The following TBCE variants were observed in gnomAD, a reference collection of about 807,000 sequenced individuals.
TBCE encodes the protein tubulin-specific chaperone E.
Under a neutral mutation model 77.0 loss-of-function variants are expected in TBCE, and 53 were observed. The observed-to-expected ratio is 0.69, with a 90% confidence interval of 0.55 to 0.87. The LOEUF is 0.87. Among genes scored for constraint, TBCE ranks in the 40% least tolerant of loss-of-function variants. TBCE has a pLI of 0.00. For synonymous variants in TBCE, 235 were observed against 241.3 expected, an observed-to-expected ratio of 0.97 and a Z score of 0.24; for missense variants, 624 against 622.4, an observed-to-expected ratio of 1.00 and a Z score of -0.03.
chr1:235,430,468 C>G (rs1359987102), intron 6 of TBCE: 3 of 402,872 alleles, frequency 7.4e-6, no homozygotes, highest in Admixed American at 3.8e-5. Context: ...TGCCCTAATC[C>G]TGTGAAAGCA....
chr1:235,436,180 G>C lies in TBCE; in HGVS notation c.834-206G>C, dbSNP rs186381736. The C allele has an allele frequency of 3.7e-5, 23 of 615,750 alleles. No individual in the cohort carries two copies. In the East Asian group the frequency reaches 6.3e-4, roughly 17 times the overall value. 38.1% of individuals were successfully genotyped at this position (615,750 alleles called of 1,614,324 possible). On this transcript the variant is annotated intron_variant, in intron 9 of 16. Transcript: ENST00000642610. ...ACCTGACATAGCAGTAGGTACTCAA[G>C]AACCATTAGGTGACTATGGAGTCAT...
chr1:235,390,692 C>T (rs997848358), intron 2 of TBCE, among the ~76,000 whole-genome samples: 15 of 146,200 alleles, frequency 1.0e-4, no homozygotes, highest in Admixed American at 6.4e-4. Context: ...ACCTGGGAGA[C>T]GGAGGTTGCA....
At chr1:235,427,106 T>C (rs746432893) in intron 5 of TBCE, 34 bp from the exon 6 acceptor site, 2 of 1,448,044 alleles carry the variant, frequency 1.4e-6, no homozygotes, top group Non-Finnish European at 1.9e-6. Flanking sequence ...TTGTGAATCT[T>C]TTGAAATTAC....
chr1:235,442,794 A>G, intron 14 of TBCE, 58 bp from the exon 15 acceptor site: 1 of 1,537,466 alleles, frequency 6.5e-7, no homozygotes, highest in Non-Finnish European at 8.9e-7. Context: ...GTGTGTGGAT[A>G]ATTTAAATCC....
At position 235,380,158 on chromosome 1, in the gene TBCE, TTA is replaced by T; in HGVS notation, c.100+11_100+12del. The T allele has an allele frequency of 6.4e-7, 1 of 1,555,266 alleles. No individual in the cohort carries two copies. The highest frequency in any genetic ancestry group is 8.8e-7 in the Non-Finnish European group (1 of 1,139,750). ...TGTCCCTCCCGTGGCAGGTAAGCAA[TTA>T]TTGTGTGTGTGTGTGTGTGTGTGTG... On this transcript the variant is annotated intron_variant, in intron 2 of 16. Coordinates refer to ENST00000642610, the MANE Select transcript of TBCE (RefSeq NM_003193.5).
chr1:235,443,024 C>A (rs548228406), intron 15 of TBCE, 113 bp downstream of exon 15: 1 of 1,042,612 alleles, frequency 9.6e-7, no homozygotes, highest in African/African-American at 1.6e-5. Context: ...TCAGAACTTA[C>A]AGGTTTTCAT....
At chr1:235,429,470 G>A (rs372727434) in intron 6 of TBCE, 10 of 152,132 alleles carry the variant, frequency 6.6e-5, no homozygotes, top group Admixed American at 3.9e-4. Context: ...GGTTGGGGGA[G>A]GTGATATTTA....
At chr1:235,383,702 T>C (rs1311743843) in intron 2 of TBCE, among the ~76,000 whole-genome samples, 1 of 152,220 alleles carries the variant, frequency 6.6e-6, no homozygotes, top group Non-Finnish European at 1.5e-5. Flanking sequence ...CTTATCAGCT[T>C]AAGGAGATTT....
intron 13 of TBCE, among the ~76,000 whole-genome samples, chr1:235,439,396 T>C (rs1681683085): frequency 6.7e-6 from 1 of 149,724 alleles, no homozygotes; most frequent in Non-Finnish European, 1.5e-5. Flanking sequence ...CTCAGGAGGC[T>C]GAGGCAGGAG....
chr1:235,425,212 C>T (rs937367539), intron 5 of TBCE, among the ~76,000 whole-genome samples: 2 of 152,200 alleles, frequency 1.3e-5, no homozygotes, highest in East Asian at 3.9e-4. Flanking sequence ...CCTGCTCATC[C>T]TGTAGTCTTT....
intron 3 of TBCE, among the ~76,000 whole-genome samples, chr1:235,404,986 A>C (rs1358454468): frequency 1.5e-5 from 2 of 137,874 alleles, no homozygotes; most frequent in African/African-American, 5.5e-5. Flanking sequence ...TTTTGGAGAC[A>C]GAGTCTTGCT....
intron 4 of TBCE, chr1:235,415,120 G>C (rs1680038117): frequency 5.3e-6 from 1 of 186,936 alleles, no homozygotes; most frequent in African/African-American, 2.4e-5. Context: ...ACAATTTTGG[G>C]ATATGGGCTC....
intron 6 of TBCE, among the ~76,000 whole-genome samples, chr1:235,428,804 C>T (rs934293067): frequency 6.6e-6 from 1 of 150,894 alleles, no homozygotes; most frequent in Non-Finnish European, 1.5e-5. Flanking sequence ...CCACCACGCC[C>T]AACTAATTTT....
At chr1:235,434,717 T>C (rs975455913) in intron 8 of TBCE, among the ~76,000 whole-genome samples, 2 of 151,968 alleles carry the variant, frequency 1.3e-5, no homozygotes, top group African/African-American at 4.8e-5. Flanking sequence ...TCTTTATTTT[T>C]AGTAGAGACG....
At chr1:235,405,289 A>G (rs1679352938) in intron 3 of TBCE, among the ~76,000 whole-genome samples, 1 of 150,874 alleles carries the variant, frequency 6.6e-6, no homozygotes, top group Admixed American at 6.6e-5. Flanking sequence ...ATACCTCCTG[A>G]AGGACCTGCC....
At chr1:235,396,403 T>C (rs776558861) in intron 2 of TBCE, among the ~76,000 whole-genome samples, 9 of 152,218 alleles carry the variant, frequency 5.9e-5, no homozygotes, top group Non-Finnish European at 1.3e-4. Context: ...GATGGACACT[T>C]AGGTTGATTC....
chr1:235,433,345 C>A, intron 7 of TBCE: 1 of 293,896 alleles, frequency 3.4e-6, no homozygotes, highest in Non-Finnish European at 5.8e-6. Context: ...GTCAGCCTCC[C>A]AAGTAGCTGG....
chr1:235,391,661 C>T (rs1286606048), intron 2 of TBCE, among the ~76,000 whole-genome samples: 5 of 124,642 alleles, frequency 4.0e-5, no homozygotes, highest in African/African-American at 1.6e-4. Flanking sequence ...GGCTGGAGTG[C>T]AGTGGTACGA....
chr1:235,406,465 A>G (rs1679434123), intron 3 of TBCE, among the ~76,000 whole-genome samples: 1 of 152,244 alleles, frequency 6.6e-6, no homozygotes, highest in Non-Finnish European at 1.5e-5. Flanking sequence ...ATTGCAGTTC[A>G]GGGCATCCGC....
Sources: allele counts gnomAD v4.1 joint callset (sites outside exome capture counted in the v4.1 genomes callset), GRCh38; gene constraint gnomAD v4.1.1; transcripts MANE v1.5; gene names NCBI Gene and HGNC (gene_info 2026-07-23, HGNC 2026-07-21).